PPP2R3C: variants seen among roughly 807,000 people sequenced by gnomAD.
PPP2R3C encodes the protein protein phosphatase 2 regulatory subunit B''gamma.
PPP2R3C carries 47 observed loss-of-function variants against 63.7 expected under a neutral mutation model. The observed-to-expected ratio is 0.74, with a 90% CI of 0.58 to 0.94. The LOEUF (loss-of-function observed/expected upper bound fraction) is 0.94. Ranked by LOEUF, PPP2R3C falls within the 40% of genes least tolerant of loss-of-function variation. The pLI, the probability that PPP2R3C is intolerant of heterozygous loss-of-function variation, is 0.00. For synonymous variants in PPP2R3C, 180 were observed against 177.4 expected, an observed-to-expected ratio of 1.01 and a Z score of -0.12; for missense variants, 421 against 518.4, an observed-to-expected ratio of 0.81 and a Z score of 1.82.
rs192862893 is a variant in PPP2R3C at position 35,091,874 on chromosome 14, C to T, written c.976-667G>A. On this transcript the variant is annotated intron_variant, in intron 10 of 12. Transcript: ENST00000261475. ...TAGCTGGGAATACAGGTGCACACCA[C>T]TATGCCCAGCTAATTTTTATATTTT... Among the ~76,000 whole-genome samples the T allele has an allele frequency of 7.0e-3, 1,064 of 152,076 alleles. 9 individuals carry two copies. The highest frequency in any genetic ancestry group is 9.1e-3 in the Non-Finnish European group (618 of 68,008).
chr14:35,099,615 G>C, intron 6 of PPP2R3C: 1 of 411,294 alleles, frequency 2.4e-6, no homozygotes, highest in Non-Finnish European at 4.0e-6. Flanking sequence ...CAAAGATATT[G>C]ATTAAAAAGC....
intron 2 of PPP2R3C, chr14:35,112,724 C>CA (rs2046602266): frequency 6.6e-6 from 1 of 152,178 alleles, no homozygotes; most frequent in Non-Finnish European, 1.5e-5. Context: ...AACATCAACA[C>CA]AGACTTTAAG....
chr14:35,093,155 G>A (rs1404866938), intron 10 of PPP2R3C, among the ~76,000 whole-genome samples: 2 of 152,092 alleles, frequency 1.3e-5, no homozygotes, highest in East Asian at 3.9e-4. Flanking sequence ...GGAGCTTGCA[G>A]TGAGCCGAGA....
intron 6 of PPP2R3C, among the ~76,000 whole-genome samples, chr14:35,104,838 T>A (rs1431859447): frequency 6.6e-6 from 1 of 151,990 alleles, no homozygotes; most frequent in African/African-American, 2.4e-5. Flanking sequence ...TTCAAGCGAT[T>A]CTCCTGCCTC....
rs867747450 is a variant in PPP2R3C, at chr14:35,085,653, G to A, written c.1299C>T (p.Tyr433=). The change falls in exon 13 of 13, where the codon TAC becomes TAT. Residue 433 remains tyrosine, a synonymous_variant. Coordinates refer to ENST00000261475, the MANE Select transcript of PPP2R3C (RefSeq NM_017917.4). Reference sequence around the variant, plus strand: ...TTGCAACAAGAGCCTCTCTGTTCTCGTAAGTCCAGAAGCCATTCAAATCGA... The same window carrying A: ...TTGCAACAAGAGCCTCTCTGTTCTCATAAGTCCAGAAGCCATTCAAATCGA... ...ILIDLNGFWT[Y]ENREALVAND... is the part of the protein sequence containing the mutation. 15 of 1,613,424 alleles carry A rather than the reference G, an allele frequency of 9.3e-6. No individual in the cohort carries two copies. In the African/African-American group the frequency reaches 9.3e-5, roughly 10 times the overall value.
intron 2 of PPP2R3C, among the ~76,000 whole-genome samples, chr14:35,116,189 A>C (rs1244345123): frequency 3.3e-5 from 5 of 152,014 alleles, no homozygotes; most frequent in Non-Finnish European, 7.4e-5. Flanking sequence ...TAATATATAA[A>C]ATTTAAAATA....
chr14:35,109,758 T>A, intron 4 of PPP2R3C, 61 bp downstream of exon 4: 7 of 1,331,956 alleles, frequency 5.3e-6, no homozygotes, highest in Non-Finnish European at 6.3e-6. Flanking sequence ...GCCCAGCCAA[T>A]ATTTGAGGCA....
intron 12 of PPP2R3C, 38 bp from the exon 13 acceptor site, chr14:35,085,816 C>G (rs1372519957): frequency 1.1e-5 from 17 of 1,522,578 alleles, no homozygotes; most frequent in Non-Finnish European, 1.4e-5. Context: ...ATTTGATCCA[C>G]TTAATTTCTA....
intron 6 of PPP2R3C, among the ~76,000 whole-genome samples, chr14:35,103,969 A>T (rs1458443005): frequency 2.0e-5 from 3 of 152,228 alleles, no homozygotes; most frequent in African/African-American, 4.8e-5. Flanking sequence ...GGGGAAAATT[A>T]TTCCTTTTTA....
intron 2 of PPP2R3C, among the ~76,000 whole-genome samples, chr14:35,111,584 T>C (rs1273652740): frequency 6.6e-6 from 1 of 152,246 alleles, no homozygotes; most frequent in African/African-American, 2.4e-5. Flanking sequence ...GTTAAATGAT[T>C]AGCAGTTATT....
chr14:35,114,951 G>GC (rs1491207694), intron 2 of PPP2R3C, among the ~76,000 whole-genome samples: 4 of 151,836 alleles, frequency 2.6e-5, no homozygotes, highest in Admixed American at 6.6e-5. Flanking sequence ...CTGAGATCGT[G>GC]CCATTGCACT....
intron 4 of PPP2R3C, among the ~76,000 whole-genome samples, chr14:35,108,522 T>G (rs1421021387): frequency 6.6e-6 from 1 of 151,956 alleles, no homozygotes; most frequent in Non-Finnish European, 1.5e-5. Flanking sequence ...GCCAACATGG[T>G]GAAACCCCGT....
chr14:35,089,854 G>GA lies in PPP2R3C; in HGVS notation c.1113+1215dup, dbSNP rs2045738903. Among the ~76,000 whole-genome samples the GA allele has an allele frequency of 4.9e-5, 3 of 61,470 alleles. No homozygotes were observed. The East Asian group carries it at 1.2e-3, about 25-fold the overall frequency. The allele number at this position is 61,470 out of a possible 152,430, so 40.3% of individuals were successfully genotyped here. On this transcript the variant is annotated intron_variant, in intron 11 of 12. Coordinates refer to ENST00000261475, the MANE Select transcript of PPP2R3C (RefSeq NM_017917.4). ...CTGATTTTTTTGCATTTTTAGTAGA[G>GA]ATGGGTTTCACCATGTTAGTGAGGA...
chr14:35,109,231 A>AC (rs915888209), intron 4 of PPP2R3C, among the ~76,000 whole-genome samples: 9 of 151,480 alleles, frequency 5.9e-5, no homozygotes, highest in Non-Finnish European at 1.3e-4. Flanking sequence ...TAATTTTTGT[A>AC]TTTTTAGTAG....
chr14:35,108,230 A>G lies in PPP2R3C; in HGVS notation c.411T>C (p.Phe137=). The G allele has an allele frequency of 6.4e-7, 1 of 1,572,764 alleles. No homozygotes were observed. The highest frequency in any genetic ancestry group is 8.6e-7 in the Non-Finnish European group (1 of 1,169,136). Residue 137 remains phenylalanine (F), a synonymous_variant, in exon 5 of 13, where the codon TTT becomes TTC. Coordinates refer to ENST00000261475, the MANE Select transcript of PPP2R3C (RefSeq NM_017917.4). ...GTTTAGCAAAGACTTTTGCTGTGAA[A>G]AATTGCCTAAGAAAAGAAAATAAAG... The part of the protein sequence containing the change: ...GEKAGAKCKQ[F]FTAKVFAKLL...
chr14:35,106,911 C>T (rs554886099), intron 6 of PPP2R3C, among the ~76,000 whole-genome samples: 72 of 152,200 alleles, frequency 4.7e-4, no homozygotes, highest in African/African-American at 1.7e-3. Context: ...AGGTGATCCG[C>T]CTGCCTCATC....
intron 2 of PPP2R3C, among the ~76,000 whole-genome samples, chr14:35,110,968 G>A (rs192109792): frequency 6.6e-6 from 1 of 152,280 alleles, no homozygotes; most frequent in East Asian, 1.9e-4. Flanking sequence ...GCTGGGGGCA[G>A]TGGCTCACAC....
intron 2 of PPP2R3C, among the ~76,000 whole-genome samples, chr14:35,115,081 T>C (rs1299296837): frequency 6.6e-6 from 1 of 151,718 alleles, no homozygotes; most frequent in Non-Finnish European, 1.5e-5. Flanking sequence ...AGATTCTCCC[T>C]TCCTCACCCT....
At chr14:35,089,610 T>G (rs1441151813) in intron 11 of PPP2R3C, among the ~76,000 whole-genome samples, 1 of 152,124 alleles carries the variant, frequency 6.6e-6, no homozygotes, top group African/African-American at 2.4e-5. Context: ...TGCCTCAGCT[T>G]CCCTAAGTGC....
Sources: gnomAD v4.1 joint callset for allele counts (sites outside exome capture counted in the v4.1 genomes callset) on GRCh38, gnomAD v4.1.1 for gene constraint, MANE v1.5 for transcripts, NCBI Gene and HGNC (gene_info 2026-07-23, HGNC 2026-07-21) for gene names.